BPIFC: variants seen among roughly 807,000 people sequenced by gnomAD.
BPIFC encodes the protein BPI fold-containing family C protein.
A neutral mutation model predicts 57.6 loss-of-function variants in BPIFC; 60 were observed. The observed-to-expected ratio is 1.04, with a 90% CI of 0.85 to 1.29. The LOEUF (loss-of-function observed/expected upper bound fraction) is 1.29, where lower values mean the gene tolerates loss of function less well. Among genes scored for constraint, BPIFC ranks in the 50% most tolerant of loss-of-function variants. BPIFC has a pLI of 0.00. For missense variants in BPIFC, 581 were observed against 600.5 expected, an observed-to-expected ratio of 0.97 and a Z score of 0.34; for synonymous variants, 243 against 224.5, an observed-to-expected ratio of 1.08 and a Z score of -0.74.
intron 13 of BPIFC, among the ~76,000 whole-genome samples, chr22:32,428,664 C>T (rs549254095): frequency 2.0e-5 from 3 of 152,062 alleles, no homozygotes; most frequent in Middle Eastern, 3.4e-3. Context: ...TTTGGGAGGC[C>T]GAGGCCCCAG....
chr22:32,424,678 T>TTCCTCC (rs1569448059), intron 13 of BPIFC, among the ~76,000 whole-genome samples: 1 of 90,460 alleles, frequency 1.1e-5, no homozygotes, highest in African/African-American at 7.1e-5. Context: ...CTTCTTCTTC[T>TTCCTCC]TCTTCTTCTT....
intron 13 of BPIFC, among the ~76,000 whole-genome samples, chr22:32,425,649 G>T (rs1041932516): frequency 6.6e-6 from 1 of 151,960 alleles, no homozygotes; most frequent in Admixed American, 6.6e-5. Flanking sequence ...GGCCTTTACC[G>T]TCTATTAGGT....
chr22:32,445,809 T>C (rs1479472979), intron 6 of BPIFC, 32 bp downstream of exon 6: 2 of 1,550,916 alleles, frequency 1.3e-6, no homozygotes, highest in Non-Finnish European at 8.8e-7. Flanking sequence ...AGCCCCTAAC[T>C]AGCCACTGCC....
At chr22:32,430,753 C>T (rs75075530) in intron 13 of BPIFC, among the ~76,000 whole-genome samples, 16,742 of 151,712 alleles carry the variant, frequency 0.11, 1,012 homozygotes, top group Middle Eastern at 0.18. Flanking sequence ...CAATTCTTCC[C>T]TCTCAGCTTC....
At chr22:32,414,559 G>T in intron 16 of BPIFC, 134 bp from the exon 17 acceptor site, 1 of 1,142,776 alleles carries the variant, frequency 8.8e-7, no homozygotes, top group Non-Finnish European at 1.2e-6. Context: ...TGTCGCCCAG[G>T]CTGGAGTGTG....
At chr22:32,422,512 G>A (rs1357679566) in intron 13 of BPIFC, among the ~76,000 whole-genome samples, 3 of 152,076 alleles carry the variant, frequency 2.0e-5, no homozygotes, top group Admixed American at 1.3e-4. Flanking sequence ...TTCGAGACCA[G>A]CCTGGCCAAC....
chr22:32,452,119 C>T (rs1182783039), intron 4 of BPIFC, among the ~76,000 whole-genome samples: 1 of 152,152 alleles, frequency 6.6e-6, no homozygotes, highest in Non-Finnish European at 1.5e-5. Context: ...CCAGGCTGGT[C>T]TCAAACTCCT....
rs149092400 is a variant in BPIFC, at chr22:32,414,359, C to T, written c.1468G>A (p.Val490Ile). 7.4e-6 allele frequency: 12 copies of T among 1,613,986 alleles called. No homozygotes were observed. Among genetic ancestry groups the T allele is most frequent in the African/African-American group, 4.0e-5 (3 of 75,018 alleles). The part of the protein sequence containing the change: ...TSSKQQPSFH[V>I]WEGLNLISRQ... ...CTTATCAGGTTCAGACCTTCCCATA[C>T]GTGGAAACTTGGCTGCTGCTTTGAG... Residue 490 changes from valine to isoleucine, a missense_variant, in exon 17 of 17, where the codon GTA (valine) becomes ATA (isoleucine). Coordinates refer to ENST00000300399, the MANE Select transcript of BPIFC (RefSeq NM_174932.3).
Position 32,423,577 on chromosome 22 carries a change from G to GTGTGTGTGTGTGT in BPIFC, c.1218-4174_1218-4173insACACACACACACA, listed in dbSNP as rs1933908386. On this transcript the variant is annotated intron_variant, in intron 13 of 16. Coordinates refer to ENST00000300399, the MANE Select transcript of BPIFC (RefSeq NM_174932.3). ...TGCTTGGGAGGAGTTGTAGGGTGTG[G>GTGTGTGTGTGTGT]GTGTGTGTGTGTGTGTGTGTGTGTG... Among the ~76,000 whole-genome samples the GTGTGTGTGTGTGT allele has an allele frequency of 3.1e-3, 443 of 143,254 alleles. 4 individuals carry two copies. The highest frequency in any genetic ancestry group is 9.5e-3 in the African/African-American group (356 of 37,448). The allele number at this position is 143,254 out of a possible 152,430, so 94.0% of individuals were successfully genotyped here.
intron 7 of BPIFC, 120 bp downstream of exon 7, chr22:32,445,514 GC>G: frequency 2.8e-6 from 3 of 1,075,674 alleles, no homozygotes; most frequent in Admixed American, 4.2e-5. Flanking sequence ...TCCAGCCTGG[GC>G]GACAGAGCGA....
In BPIFC at chr22:32,442,708, T is replaced by C; in HGVS notation, c.618A>G (p.Glu206=). The C allele has an allele frequency of 6.2e-7, 1 of 1,613,964 alleles. No individual in the cohort carries two copies. The highest frequency in any genetic ancestry group is 8.5e-7 in the Non-Finnish European group (1 of 1,179,958). The change falls in exon 8 of 17, where the codon GAA becomes GAG. Residue 206 remains glutamate, a synonymous_variant. Coordinates refer to ENST00000300399, the MANE Select transcript of BPIFC (RefSeq NM_174932.3). ...TGAGGTTGGCATTTAGCGCTTTGACTTCACTTGCAATAATGGGACAGAGCT... is the reference window on the plus strand; with the variant it reads ...TGAGGTTGGCATTTAGCGCTTTGACCTCACTTGCAATAATGGGACAGAGCT... ...NEMLCPIIAS[E]VKALNANLST...
At position 32,414,281 on chromosome 22, in the gene BPIFC, G is replaced by C; in HGVS notation, c.*22C>G. 6.2e-7 allele frequency: 1 copy of C among 1,612,248 alleles called. No individual in the cohort carries two copies. Among genetic ancestry groups the C allele is most frequent in the Non-Finnish European group, 8.5e-7 (1 of 1,178,934 alleles). Reference sequence around the variant, plus strand: ...TAGGATTAAGGACCATTTACTTCCTGGGGTGAATTGCAAACCGGCAATCAA... The same window carrying C: ...TAGGATTAAGGACCATTTACTTCCTCGGGTGAATTGCAAACCGGCAATCAA... On this transcript the variant is annotated 3_prime_UTR_variant, in exon 17 of 17. Coordinates refer to ENST00000300399, the MANE Select transcript of BPIFC (RefSeq NM_174932.3).
In BPIFC at chr22:32,432,387, C is replaced by T. The variant is rs370577187; in HGVS notation, c.1135G>A (p.Val379Ile). The stretch of plus-strand genomic sequence containing the variant: ...CCCAGACTTACGAAGTCCATGGAAA[C>T]GATGGTTTCAACTGTGGAGTTCTTG... Reference protein sequence around the residue: ...QPKNSTVETIVSMDFVASTSV... With the variant: ...QPKNSTVETIISMDFVASTSV... Residue 379 changes from valine (V) to isoleucine (I), a missense_variant, in exon 12 of 17, where the codon GTT becomes ATT. Transcript: ENST00000300399. The T allele has an allele frequency of 1.6e-4, 262 of 1,613,974 alleles. 3 individuals are homozygous for T. In the South Asian group the frequency reaches 2.3e-3, roughly 14 times the overall value.
In BPIFC at chr22:32,437,830, T is replaced by C; in HGVS notation, c.677A>G (p.Tyr226Cys). ...TLEVLTKIDN[Y>C]TLLDYSLISS... ...GATTAGGGAGTAATCCAGCAGAGTG[T>C]AGTTGTCAATCTTGGTTAAAACTAA... The change falls in exon 9 of 17, where the codon TAC becomes TGC. Residue 226 changes from tyrosine (Y) to cysteine (C), a missense_variant. Physicochemically the swap from Tyr to Cys is radical, Grantham distance 194. Transcript: ENST00000300399. 6.2e-7 allele frequency: 1 copy of C among 1,611,164 alleles called. No homozygotes were observed. The highest frequency in any genetic ancestry group is 1.1e-5 in the South Asian group (1 of 91,010).
At chr22:32,461,184 T>C (rs1935152736) in intron 2 of BPIFC, among the ~76,000 whole-genome samples, 1 of 152,192 alleles carries the variant, frequency 6.6e-6, no homozygotes, top group Admixed American at 6.5e-5. Context: ...TATTGGCTCC[T>C]TACCCTTAGC....
intron 13 of BPIFC, among the ~76,000 whole-genome samples, chr22:32,429,678 G>A (rs935051003): frequency 4.6e-5 from 7 of 151,432 alleles, no homozygotes; most frequent in Non-Finnish European, 7.4e-5. Context: ...TACCATGCCC[G>A]GCTAATTTTT....
rs1488240213 is a variant in BPIFC at position 32,449,955 on chromosome 22, C to CGATCTCCTGATCTTCT, written c.246-2616_246-2615insAGAAGATCAGGAGATC. Among the ~76,000 whole-genome samples, 62 of 151,904 alleles carry CGATCTCCTGATCTTCT rather than the reference C, an allele frequency of 4.1e-4. 1 individual carries two copies. Among genetic ancestry groups the CGATCTCCTGATCTTCT allele is most frequent in the Admixed American group, 4.1e-3 (62 of 15,222 alleles). ...TTCACCGTGTTAGCCAGGATGGTCT[C>CGATCTCCTGATCTTCT]GATCTCCTGACCTTCTGATCCACCC... On this transcript the variant is annotated intron_variant, in intron 4 of 16. Transcript: ENST00000300399.
intron 13 of BPIFC, among the ~76,000 whole-genome samples, chr22:32,424,443 T>C (rs908863170): frequency 1.3e-5 from 2 of 152,120 alleles, no homozygotes; most frequent in Non-Finnish European, 2.9e-5. Flanking sequence ...TTTCTCTTTC[T>C]TTTATCAATG....
chr22:32,434,082 T>TTATATATATATA (rs10628834), intron 10 of BPIFC, among the ~76,000 whole-genome samples: 13 of 147,272 alleles, frequency 8.8e-5, no homozygotes, highest in African/African-American at 3.0e-4. Flanking sequence ...AAAGTTTTAG[T>TTATATATATATA]TATATATATA....
Sources: allele counts gnomAD v4.1 joint callset (sites outside exome capture counted in the v4.1 genomes callset), GRCh38; gene constraint gnomAD v4.1.1; transcripts MANE v1.5; gene names NCBI Gene and HGNC (gene_info 2026-07-23, HGNC 2026-07-21).